The following OSBPL10 variants were observed in gnomAD, a reference collection of about 807,000 sequenced individuals.
The protein encoded by OSBPL10 is oxysterol-binding protein-related protein 10.
In OSBPL10, 49 loss-of-function variants were observed where a neutral mutation model predicts 81.7. That is an observed-to-expected ratio of 0.60 (90% confidence interval 0.48 to 0.76). The LOEUF (loss-of-function observed/expected upper bound fraction) is 0.76. Ranked by LOEUF, OSBPL10 falls within the 30% of genes least tolerant of loss-of-function variation. The pLI, the probability that OSBPL10 is intolerant of heterozygous loss-of-function variation, is 0.00. For synonymous variants in OSBPL10, 419 were observed against 383.6 expected (o/e 1.09, Z -1.08); for missense variants, 923 against 987.8 (o/e 0.93, Z 0.88).
intron 8 of OSBPL10, among the ~76,000 whole-genome samples, chr3:31,676,432 T>C (rs1448311238): frequency 6.6e-6 from 1 of 151,300 alleles, no homozygotes; most frequent in Non-Finnish European, 1.5e-5. Flanking sequence ...AATCCTTCCA[T>C]GCATCTTCCT....
intron 1 of OSBPL10, among the ~76,000 whole-genome samples, chr3:31,950,591 T>C (rs997609437): frequency 6.6e-6 from 1 of 152,180 alleles, no homozygotes. Flanking sequence ...TGAAGCCCAG[T>C]GGATATAGTT....
intron 4 of OSBPL10, among the ~76,000 whole-genome samples, chr3:31,806,452 T>G (rs1049211463): frequency 2.6e-5 from 4 of 152,238 alleles, no homozygotes; most frequent in African/African-American, 9.6e-5. Context: ...GGTCTTGCAC[T>G]TACTTACCTT....
chr3:31,860,856 G>GT (rs1701040194), intron 3 of OSBPL10, among the ~76,000 whole-genome samples: 1 of 126,378 alleles, frequency 7.9e-6, no homozygotes, highest in African/African-American at 5.3e-5. Context: ...GGTTTTTTGG[G>GT]GTTTTTTTTT....
chr3:32,072,029 G>T (rs1699833215), intron 1 of OSBPL10, among the ~76,000 whole-genome samples: 2 of 151,964 alleles, frequency 1.3e-5, no homozygotes, highest in African/African-American at 4.8e-5. Context: ...CTACCACTCT[G>T]CCCCCCTCTA....
At chr3:32,075,082 G>A (rs1229427248) in intron 1 of OSBPL10, among the ~76,000 whole-genome samples, 1 of 152,116 alleles carries the variant, frequency 6.6e-6, no homozygotes, top group African/African-American at 2.4e-5. Flanking sequence ...ATTGTACTTG[G>A]AACTTGAATA....
chr3:31,813,899 C>A (rs796751789), intron 4 of OSBPL10, among the ~76,000 whole-genome samples: 4 of 152,220 alleles, frequency 2.6e-5, no homozygotes, highest in Admixed American at 2.0e-4. Flanking sequence ...CACGCATGTA[C>A]ATGCTGAGCT....
intron 5 of OSBPL10, among the ~76,000 whole-genome samples, chr3:31,744,835 T>C (rs1284711754): frequency 6.6e-6 from 1 of 152,132 alleles, no homozygotes; most frequent in African/African-American, 2.4e-5. Context: ...AAATATTTTT[T>C]TCAAGAGGGA....
intron 1 of OSBPL10, among the ~76,000 whole-genome samples, chr3:31,975,358 T>C (rs987207653): frequency 5.9e-5 from 9 of 152,202 alleles, no homozygotes; most frequent in Admixed American, 1.3e-4. Flanking sequence ...AACCCTGGTA[T>C]CACCAATTCC....
chr3:31,733,221 CA>C lies in OSBPL10; in HGVS notation c.1095+35del, dbSNP rs752531752. 3 of 1,601,516 alleles carry C rather than the reference CA, an allele frequency of 1.9e-6. No individual in the cohort carries two copies. In the Admixed American group the frequency reaches 5.4e-5, roughly 29 times the overall value. On this transcript the variant is annotated intron_variant, in intron 6 of 11. Coordinates refer to ENST00000396556, the MANE Select transcript of OSBPL10 (RefSeq NM_017784.5). ...CTATATTTCTGAACAAGCGATAACA[CA>C]AGCCATGAATGCACTGAGAGGACTG...
intron 1 of OSBPL10, among the ~76,000 whole-genome samples, chr3:31,932,362 A>G (rs1025525690): frequency 1.3e-5 from 2 of 152,166 alleles, no homozygotes; most frequent in African/African-American, 4.8e-5. Flanking sequence ...CAATGCCCTA[A>G]GTGATTTCGC....
intron 3 of OSBPL10, among the ~76,000 whole-genome samples, chr3:31,871,157 C>T (rs925744468): frequency 6.6e-6 from 1 of 152,170 alleles, no homozygotes; most frequent in Admixed American, 6.5e-5. Flanking sequence ...TGTTCTTTCG[C>T]TCTTTGCAAT....
At chr3:31,921,860 C>CA (rs1696926627) in intron 1 of OSBPL10, among the ~76,000 whole-genome samples, 2 of 152,218 alleles carry the variant, frequency 1.3e-5, no homozygotes, top group Admixed American at 6.5e-5. Context: ...GCAACAATTA[C>CA]AAATCATGTT....
intron 3 of OSBPL10, among the ~76,000 whole-genome samples, chr3:31,867,197 G>T (rs1701200509): frequency 6.6e-6 from 1 of 152,190 alleles, no homozygotes; most frequent in African/African-American, 2.4e-5. Flanking sequence ...AAGTGGAGGA[G>T]ATGGGAAACC....
chr3:31,668,736 TG>T lies in OSBPL10; in HGVS notation c.2001del (p.Tyr667Ter). On this transcript the variant is annotated frameshift_variant, in exon 10 of 12. Transcript: ENST00000396556. LOFTEE classifies it high-confidence loss of function. ...TCGATGACTTTGGTTTCTCCATTGT[TG>T]TAGGTGAACTCTAAAGTACCATTCC... ...GEWNGTLEFT[Y>X]NNGETKVIDT... The T allele has an allele frequency of 6.2e-7, 1 of 1,614,182 alleles. No individual in the cohort carries two copies. The highest frequency in any genetic ancestry group is 8.5e-7 in the Non-Finnish European group (1 of 1,180,014).
intron 11 of OSBPL10, chr3:31,663,834 T>C (rs1575460007): frequency 2.1e-6 from 3 of 1,405,478 alleles, no homozygotes; most frequent in Non-Finnish European, 2.8e-6. Flanking sequence ...TTTTCTGACA[T>C]AGGGATACTG....
chr3:31,949,127 AAG>A (rs1188522787), intron 1 of OSBPL10, among the ~76,000 whole-genome samples: 1 of 152,208 alleles, frequency 6.6e-6, no homozygotes, highest in African/African-American at 2.4e-5. Context: ...AAGTTGGGGA[AAG>A]AGGAGTTTTA....
intron 1 of OSBPL10, among the ~76,000 whole-genome samples, chr3:31,955,940 T>C (rs574162946): frequency 6.6e-6 from 1 of 152,338 alleles, no homozygotes; most frequent in African/African-American, 2.4e-5. Context: ...GGAGCAGTTA[T>C]AGCAGATGTT....
chr3:31,893,877 G>A lies in OSBPL10; in HGVS notation c.282-14047C>T, dbSNP rs568375974. Reference sequence around the variant, plus strand: ...GGATTAGCTGCAAACTGCTTACAGGGATTATTTTATTTTTTTAAAAAAATG... The same window carrying A: ...GGATTAGCTGCAAACTGCTTACAGGAATTATTTTATTTTTTTAAAAAAATG... On this transcript the variant is annotated intron_variant, in intron 1 of 11. Coordinates refer to ENST00000396556, the MANE Select transcript of OSBPL10 (RefSeq NM_017784.5). 8.5e-5 allele frequency among the ~76,000 whole-genome samples: 13 copies of A among 152,264 alleles called. No individual in the cohort carries two copies. The Middle Eastern group carries it at 0.01, about 120-fold the overall frequency.
At chr3:31,818,797 C>CA (rs5847720) in intron 4 of OSBPL10, among the ~76,000 whole-genome samples, 104,977 of 151,974 alleles carry the variant, frequency 0.69, 36,806 homozygotes, top group East Asian at 0.93. Flanking sequence ...AAGGCAGTGA[C>CA]AGCTGGTCTC....
Sources: allele counts gnomAD v4.1 joint callset (sites outside exome capture counted in the v4.1 genomes callset), GRCh38; gene constraint gnomAD v4.1.1; transcripts MANE v1.5; gene names NCBI Gene and HGNC (gene_info 2026-07-23, HGNC 2026-07-21).